The following MEF2C variants were observed in gnomAD, a reference collection of about 807,000 sequenced individuals.
MEF2C encodes the protein myocyte enhancer factor 2C.
MEF2C carries 6 observed loss-of-function variants against 50.5 expected under a neutral mutation model. The observed-to-expected ratio is 0.12, with a 90% CI of 0.07 to 0.23. The LOEUF is 0.23. Among genes scored for constraint, MEF2C ranks in the 10% least tolerant of loss-of-function variants. The pLI, the probability that MEF2C is intolerant of heterozygous loss-of-function variation, is 1.00. For synonymous variants in MEF2C, 183 were observed against 228.0 expected, an observed-to-expected ratio of 0.80 and a Z score of 1.78; for missense variants, 276 against 605.0, an observed-to-expected ratio of 0.46 and a Z score of 5.70.
At chr5:88,867,104 A>G (rs1827648780) in intron 1 of MEF2C, among the ~76,000 whole-genome samples, 1 of 152,222 alleles carries the variant, frequency 6.6e-6, no homozygotes, top group Admixed American at 6.5e-5. Context: ...TTTATCAAGC[A>G]GTTGATAATA....
At chr5:88,766,586 A>G in intron 3 of MEF2C, 1 of 957,566 alleles carries the variant, frequency 1.0e-6, no homozygotes, top group Non-Finnish European at 1.2e-6. Context: ...ATTTCTTTAC[A>G]TGTCTGCAGT....
intron 3 of MEF2C, among the ~76,000 whole-genome samples, chr5:88,769,436 A>G (rs771127387): frequency 6.6e-6 from 1 of 152,152 alleles, no homozygotes; most frequent in Non-Finnish European, 1.5e-5. Flanking sequence ...CCAAACCTCT[A>G]TTGGAACCCG....
intron 6 of MEF2C, chr5:88,735,558 G>C: frequency 2.1e-6 from 2 of 972,496 alleles, no homozygotes; most frequent in Non-Finnish European, 2.4e-6. Context: ...TAAAAATATT[G>C]TTTTACATAA....
At chr5:88,857,785 T>TA (rs1824002314) in intron 1 of MEF2C, among the ~76,000 whole-genome samples, 1 of 152,246 alleles carries the variant, frequency 6.6e-6, no homozygotes, top group Non-Finnish European at 1.5e-5. Flanking sequence ...CCCAGCCATG[T>TA]GAAACTGTGA....
At chr5:88,837,536 T>G (rs531123277) in intron 1 of MEF2C, among the ~76,000 whole-genome samples, 1 of 152,318 alleles carries the variant, frequency 6.6e-6, no homozygotes, top group African/African-American at 2.4e-5. Context: ...TCAACTTCTT[T>G]AAGTCTCATT....
intron 1 of MEF2C, among the ~76,000 whole-genome samples, chr5:88,826,744 A>G (rs574949607): frequency 5.9e-5 from 9 of 152,104 alleles, no homozygotes; most frequent in Admixed American, 5.9e-4. Flanking sequence ...GGAATATAAC[A>G]GCTAGCCTAC....
intron 4 of MEF2C, among the ~76,000 whole-genome samples, chr5:88,756,942 T>A (rs534486713): frequency 6.6e-6 from 1 of 152,266 alleles, no homozygotes; most frequent in East Asian, 1.9e-4. Flanking sequence ...TCAGCAGAAC[T>A]GGCTATGTAA....
intron 5 of MEF2C, chr5:88,750,995 A>G: frequency 1.4e-6 from 1 of 725,042 alleles, no homozygotes; most frequent in Non-Finnish European, 1.7e-6. Flanking sequence ...TAGAAATACA[A>G]TTATTTTTGA....
chr5:88,751,361 T>C (rs1448142485), intron 5 of MEF2C: 1 of 985,456 alleles, frequency 1.0e-6, no homozygotes, highest in Non-Finnish European at 1.2e-6. Context: ...AATGATGCTA[T>C]CTTATCATAT....
intron 2 of MEF2C, among the ~76,000 whole-genome samples, chr5:88,821,836 T>G (rs1202555321): frequency 6.6e-6 from 1 of 151,722 alleles, no homozygotes; most frequent in Admixed American, 6.6e-5. Context: ...ATGAATAAGA[T>G]CTAGAATTTG....
In MEF2C at chr5:88,878,043, C is replaced by T. The variant is rs1831639951; in HGVS notation, c.-143+4912G>A. ...TTCCTTGAACGAAAGGAACACACCC[C>T]CTTACATTCTTTGAAATGTGTCCAA... On this transcript the variant is annotated intron_variant, in intron 1 of 10. Transcript: ENST00000504921. 3 of 152,088 alleles carry T rather than the reference C, an allele frequency of 2.0e-5. No homozygotes were observed. The South Asian group carries it at 6.2e-4, about 32-fold the overall frequency. The allele number at this position is 152,088 out of a possible 1,614,324, so 9.4% of individuals were successfully genotyped here. A position where few individuals can be genotyped will look rare whatever the true frequency, so the allele number is the denominator to read the frequency against.
intron 3 of MEF2C, among the ~76,000 whole-genome samples, chr5:88,796,498 T>G (rs182711028): frequency 1.5e-3 from 225 of 152,288 alleles, no homozygotes; most frequent in Non-Finnish European, 2.7e-3. Context: ...TCTTTATCAT[T>G]TTTTACTGCA....
intron 2 of MEF2C, among the ~76,000 whole-genome samples, chr5:88,810,854 G>A (rs1338219253): frequency 6.6e-6 from 1 of 152,116 alleles, no homozygotes; most frequent in Non-Finnish European, 1.5e-5. Flanking sequence ...AGCAAACCCA[G>A]TAGGTGATAA....
At chr5:88,803,636 T>A (rs1429516919) in intron 3 of MEF2C, among the ~76,000 whole-genome samples, 3 of 152,178 alleles carry the variant, frequency 2.0e-5, no homozygotes, top group Non-Finnish European at 2.9e-5. Context: ...ATGGGAACCA[T>A]CCTTATTATA....
At chr5:88,870,110 A>G (rs1044512326) in intron 1 of MEF2C, among the ~76,000 whole-genome samples, 2 of 151,930 alleles carry the variant, frequency 1.3e-5, no homozygotes, top group African/African-American at 4.8e-5. Context: ...TAAATTTCAT[A>G]ATTGGAAATT....
intron 1 of MEF2C, among the ~76,000 whole-genome samples, chr5:88,878,678 T>C (rs1222016658): frequency 6.6e-6 from 1 of 152,072 alleles, no homozygotes. Flanking sequence ...TCTTTGATTT[T>C]ATCTTTTCTA....
At chr5:88,824,075 T>C (rs191376712) in intron 1 of MEF2C, 145 bp from the exon 2 acceptor site, 215 of 917,734 alleles carry the variant, frequency 2.3e-4, no homozygotes, top group Non-Finnish European at 2.6e-4. Context: ...TAAAAATATA[T>C]GGTATATCAC....
intron 6 of MEF2C, chr5:88,743,184 T>G: frequency 1.1e-6 from 1 of 947,372 alleles, no homozygotes; most frequent in Non-Finnish European, 1.3e-6. Context: ...CAATTAGTTT[T>G]CTTATTTGAG....
chr5:88,890,770 T>C (rs1343469928), intron 1 of MEF2C, among the ~76,000 whole-genome samples: 1 of 152,256 alleles, frequency 6.6e-6, no homozygotes, highest in Non-Finnish European at 1.5e-5. Context: ...AAAGTCAGAC[T>C]TTCAGTATCT....
Sources: gnomAD v4.1 joint callset for allele counts (sites outside exome capture counted in the v4.1 genomes callset) on GRCh38, gnomAD v4.1.1 for gene constraint, MANE v1.5 for transcripts, NCBI Gene and HGNC (gene_info 2026-07-23, HGNC 2026-07-21) for gene names.